AP1B1: variants seen among roughly 807,000 people sequenced by gnomAD.
AP1B1 encodes the protein adaptor related protein complex 1 subunit beta 1.
A neutral mutation model predicts 104.3 loss-of-function variants in AP1B1; 36 were observed. The ratio of observed to expected loss-of-function variants is 0.35; its 90% CI spans 0.26 to 0.46. AP1B1 has a LOEUF of 0.46. Ranked by LOEUF, AP1B1 falls within the 20% of genes least tolerant of loss-of-function variation. The pLI is 1.00. For missense variants in AP1B1, 901 were observed against 1,247.9 expected (o/e 0.72, Z 4.19); for synonymous variants, 504 against 517.5 (o/e 0.97, Z 0.35).
Position 29,349,245 on chromosome 22 carries a change from G to A in AP1B1, c.1410C>T (p.Leu470=), listed in dbSNP as rs757043271. The part of the protein sequence containing the change: ...DNADELLESF[L]EGFHDESTQV... ...GTGTGCTCTCGTCATGGAAGCCCTCGAGGAAGCTCTCCAGCAGCTCATCTG... is the reference window on the plus strand; with the variant it reads ...GTGTGCTCTCGTCATGGAAGCCCTCAAGGAAGCTCTCCAGCAGCTCATCTG... Residue 470 remains leucine, a synonymous_variant, in exon 11 of 23, where the codon CTC becomes CTT. Transcript: ENST00000357586. 1.1e-5 allele frequency: 17 copies of A among 1,613,508 alleles called. No homozygotes were observed. The East Asian group carries it at 1.3e-4, about 13-fold the overall frequency.
Position 29,341,535 on chromosome 22 carries a change from C to T in AP1B1, c.1762G>A (p.Val588Ile), listed in dbSNP as rs775310171. Reference sequence around the variant, plus strand: ...CGAGGTGGCAGGCTCTTGTGCACGACGCCCCGGCCCCCCTCCACAAAGGCA... The same window carrying T: ...CGAGGTGGCAGGCTCTTGTGCACGATGCCCCGGCCCCCCTCCACAAAGGCA... ...PSAFVEGGRG[V>I]VHKSLPPRTA... Residue 588 changes from valine to isoleucine, a missense_variant, in exon 13 of 23, where the codon GTC becomes ATC. Physicochemically the swap from Val to Ile is conservative, Grantham distance 29. Transcript: ENST00000357586. The T allele has an allele frequency of 2.4e-5, 39 of 1,613,844 alleles. No homozygotes were observed. The highest frequency in any genetic ancestry group is 3.3e-5 in the South Asian group (3 of 91,084).
chr22:29,339,733 G>A (rs1347223790), intron 15 of AP1B1, 21 bp downstream of exon 15: 1 of 1,609,246 alleles, frequency 6.2e-7, no homozygotes, highest in Non-Finnish European at 8.5e-7. Context: ...AAGGCTTGGT[G>A]ACGCAAGGGT....
chr22:29,331,740 C>T (rs144915223), intron 18 of AP1B1, 47 bp downstream of exon 18: 3 of 1,614,114 alleles, frequency 1.9e-6, no homozygotes, highest in Non-Finnish European at 2.5e-6. Context: ...TGGGGCCCGG[C>T]TGGTAGGTGA....
rs181910754 is a variant in AP1B1, at chr22:29,343,343, G to A, written c.1438-960C>T. Reference sequence around the variant, plus strand: ...GAAGCCCAGCAGCAGCCGTGCTGACGGCATCTCTGGCACCTGCCCAGCAGG... The same window carrying A: ...GAAGCCCAGCAGCAGCCGTGCTGACAGCATCTCTGGCACCTGCCCAGCAGG... On this transcript the variant is annotated intron_variant, in intron 11 of 22. Transcript: ENST00000357586. 6.8e-4 allele frequency among the ~76,000 whole-genome samples: 103 copies of A among 152,334 alleles called. 1 individual carries two copies. The East Asian group carries it at 0.019, about 28-fold the overall frequency.
chr22:29,384,238 C>G (rs1472978145), intron 1 of AP1B1, among the ~76,000 whole-genome samples: 1 of 151,932 alleles, frequency 6.6e-6, no homozygotes, highest in Non-Finnish European at 1.5e-5. Context: ...TTACTACTAC[C>G]GAGAGAGAGA....
chr22:29,337,111 G>A (rs1239888904), intron 16 of AP1B1, among the ~76,000 whole-genome samples: 4 of 152,204 alleles, frequency 2.6e-5, no homozygotes, highest in African/African-American at 9.7e-5. Flanking sequence ...GACACCCCAC[G>A]CATGAAGGCA....
intron 7 of AP1B1, among the ~76,000 whole-genome samples, chr22:29,354,197 T>C (rs3788412): frequency 0.35 from 52,845 of 152,008 alleles, 9,992 homozygotes; most frequent in East Asian, 0.66. Flanking sequence ...CGAAGAAATG[T>C]ACACAGATAC....
At chr22:29,353,136 T>C (rs1274152449) in intron 7 of AP1B1, among the ~76,000 whole-genome samples, 1 of 152,184 alleles carries the variant, frequency 6.6e-6, no homozygotes, top group Non-Finnish European at 1.5e-5. Context: ...CCTCTGCCTC[T>C]GACTCCTACT....
chr22:29,338,574 C>A (rs1042291255), intron 16 of AP1B1, among the ~76,000 whole-genome samples: 7 of 152,184 alleles, frequency 4.6e-5, no homozygotes, highest in Admixed American at 2.6e-4. Context: ...TTACACAGCC[C>A]ACCAATTGCA....
chr22:29,338,390 A>G (rs1319532099), intron 16 of AP1B1, among the ~76,000 whole-genome samples: 1 of 152,226 alleles, frequency 6.6e-6, no homozygotes, highest in East Asian at 1.9e-4. Flanking sequence ...TGCCACAGTC[A>G]CAGTGACTTT....
intron 15 of AP1B1, 36 bp downstream of exon 15, chr22:29,339,718 G>A (rs1268768076): frequency 1.2e-6 from 2 of 1,607,350 alleles, no homozygotes; most frequent in African/African-American, 2.7e-5. Context: ...GGAGGAGCAA[G>A]GACGAAGGCT....
chr22:29,337,160 T>A (rs2061650668), intron 16 of AP1B1, among the ~76,000 whole-genome samples: 1 of 152,188 alleles, frequency 6.6e-6, no homozygotes, highest in Non-Finnish European at 1.5e-5. Flanking sequence ...GGGACCATCA[T>A]ATAGGGGTCT....
At position 29,334,356 on chromosome 22, in the gene AP1B1, G is replaced by A. The variant is rs150730150; in HGVS notation, c.2218C>T (p.Arg740Cys). The A allele has an allele frequency of 2.2e-5, 35 of 1,611,014 alleles. No homozygotes were observed. Among genetic ancestry groups the A allele is most frequent in the Admixed American group, 8.4e-5 (5 of 59,178 alleles). ...KGLEISGTFT[R>C]QVGSISMDLQ... ...TCCATGGAGATGGAGCCCACCTGGC[G>A]GGTGAAGGTGCCTGAGATCTCCAGC... is the stretch of plus-strand genomic sequence containing the variant. Residue 740 changes from arginine to cysteine, a missense_variant, in exon 17 of 23, where the codon CGC becomes TGC. Arg to Cys is a radical substitution (Grantham distance 180). This residue lies in a region of AP1B1 where 424 missense variants were observed against 494.0 expected (regional missense o/e 0.86). Coordinates refer to ENST00000357586, the MANE Select transcript of AP1B1 (RefSeq NM_001127.4).
intron 2 of AP1B1, among the ~76,000 whole-genome samples, chr22:29,366,795 G>A (rs1313828693): frequency 1.4e-5 from 2 of 144,376 alleles, no homozygotes; most frequent in East Asian, 2.0e-4. Flanking sequence ...GTGAAACTCC[G>A]TCTCAAAAAA....
intron 4 of AP1B1, among the ~76,000 whole-genome samples, chr22:29,359,313 C>T (rs1285271588): frequency 1.3e-5 from 2 of 152,296 alleles, no homozygotes; most frequent in East Asian, 1.9e-4. Flanking sequence ...TCACAGCCCT[C>T]GGTCTTTCCA....
intron 1 of AP1B1, among the ~76,000 whole-genome samples, chr22:29,371,461 G>T (rs1213762729): frequency 6.6e-6 from 1 of 152,218 alleles, no homozygotes; most frequent in Non-Finnish European, 1.5e-5. Context: ...GCTGGGCGCG[G>T]TGGCTTATGC....
At chr22:29,350,996 G>C (rs1279567646) in intron 9 of AP1B1, among the ~76,000 whole-genome samples, 175 bp downstream of exon 9, 1 of 151,662 alleles carries the variant, frequency 6.6e-6, no homozygotes, top group Non-Finnish European at 1.5e-5. Context: ...GGATACTATA[G>C]AGTGAGAAGG....
chr22:29,344,514 ATTTT>A (rs35466454), intron 11 of AP1B1, among the ~76,000 whole-genome samples: 104 of 93,776 alleles, frequency 1.1e-3, no homozygotes, highest in African/African-American at 5.0e-3. Context: ...CCTGGCCAAG[ATTTT>A]TTTTTTTTTT....
chr22:29,353,108 C>T (rs534116112), intron 7 of AP1B1, among the ~76,000 whole-genome samples: 5 of 152,244 alleles, frequency 3.3e-5, no homozygotes, highest in South Asian at 2.1e-4. Flanking sequence ...TCAGTAAAGA[C>T]GAGAGTGGGG....
Sources: gnomAD v4.1 joint callset for allele counts (sites outside exome capture counted in the v4.1 genomes callset) on GRCh38, gnomAD v4.1.1 for gene constraint, gnomAD v4.1.1 regional missense constraint, MANE v1.5 for transcripts, NCBI Gene and HGNC (gene_info 2026-07-23, HGNC 2026-07-21) for gene names.